Variants in ESPL1 observed in about 807,000 individuals in gnomAD.
ESPL1 encodes extra spindle pole bodies like 1, separase, also known as separin.
ESPL1 carries 50 observed loss-of-function variants against 217.2 expected under a neutral mutation model. The ratio of observed to expected loss-of-function variants is 0.23; its 90% confidence interval spans 0.18 to 0.29. The LOEUF (loss-of-function observed/expected upper bound fraction) is 0.29, where lower values mean the gene tolerates loss of function less well. ESPL1 is among the 10% of genes least tolerant of loss of function. ESPL1 has a pLI of 1.00. For synonymous variants in ESPL1, 994 were observed against 1,081.3 expected (o/e 0.92, Z 1.58); for missense variants, 1,834 against 2,603.0 (o/e 0.70, Z 6.43).
intron 11 of ESPL1, among the ~76,000 whole-genome samples, chr12:53,278,850 T>G (rs2045473): frequency 0.61 from 92,020 of 151,656 alleles, 28,540 homozygotes; most frequent in East Asian, 0.81. Context: ...CCTCCCAAAG[T>G]GCTGGGATTA....
At chr12:53,291,283 T>G (rs534522596) in intron 25 of ESPL1, among the ~76,000 whole-genome samples, 29 of 101,418 alleles carry the variant, frequency 2.9e-4, no homozygotes, top group African/African-American at 1.1e-3. Flanking sequence ...GGTGACAGAG[T>G]GAGACTCCAT....
intron 17 of ESPL1, 42 bp from the exon 18 acceptor site, chr12:53,285,882 A>T (rs1044044430): frequency 1.9e-5 from 29 of 1,503,218 alleles, no homozygotes; most frequent in African/African-American, 4.2e-5. Flanking sequence ...GCTTGATGCC[A>T]TTTCTCCCCG....
Position 53,293,355 on chromosome 12 carries a change from G to A in ESPL1, c.6244G>A (p.Gly2082Arg). 3 of 1,614,194 alleles carry A rather than the reference G, an allele frequency of 1.9e-6. No individual in the cohort carries two copies. The highest frequency in any genetic ancestry group is 2.5e-6 in the Non-Finnish European group (3 of 1,180,020). ...GGAAGCTCTGCTGCAAGGCTGGCTT[G>A]GAGCAGGCCCAGGGGCCCCCCTTCT... ...YTEALLQGWL[G>R]AGPGAPLLYY... is the part of the protein sequence containing the mutation. Residue 2082 changes from glycine to arginine, a missense_variant, in exon 31 of 31, where the codon GGA (glycine) becomes AGA (arginine). By Grantham distance (125) the Gly-to-Arg change is moderately radical (BLOSUM62 -2). Transcript: ENST00000257934. This position sits in a 1 kb window ranked among gnomAD's most constrained non-coding sequence, Gnocchi z 4.2.
rs564828925 is a variant in ESPL1, at chr12:53,282,512, C to G, written c.2791+77C>G. ...GCTGTCAGCTCTTCTCAAACCTCAT[C>G]CCCTCTGCTGGCTAACTATGTGGCC... On this transcript the variant is annotated intron_variant, in intron 14 of 30. Transcript: ENST00000257934. This position sits in a 1 kb window ranked among gnomAD's most constrained non-coding sequence, Gnocchi z 4.0. 2.4e-4 allele frequency: 328 copies of G among 1,365,668 alleles called. No individual in the cohort carries two copies. The African/African-American group carries it at 4.0e-3, about 17-fold the overall frequency. 84.6% of individuals were successfully genotyped at this position (1,365,668 alleles called of 1,614,324 possible). A position where few individuals can be genotyped will look rare whatever the true frequency, so the allele number is the denominator to read the frequency against.
rs34130634 is a variant in ESPL1, at chr12:53,286,142, A to C, written c.3406A>C (p.Ile1136Leu). 2 of 1,614,180 alleles carry C rather than the reference A, an allele frequency of 1.2e-6. No homozygotes were observed. The highest frequency in any genetic ancestry group is 1.7e-6 in the Non-Finnish European group (2 of 1,180,032). ...AGTCTTGAAAACCAAGCCCCAGCCC[A>C]TACCCAACTTCCTGTCCCATTCACC... ...SPVLKTKPQP[I>L]PNFLSHSPTC... The change falls in exon 18 of 31, where the codon ATA (isoleucine) becomes CTA (leucine). Residue 1136 changes from isoleucine (I) to leucine (L), a missense_variant. By Grantham distance (5) the Ile-to-Leu change is conservative. This residue lies in a region of ESPL1 where 681 missense variants were observed against 808.0 expected (regional missense o/e 0.84). Transcript: ENST00000257934. This position sits in a 1 kb window ranked among gnomAD's most constrained non-coding sequence, Gnocchi z 5.3.
rs772738789 is a variant in ESPL1, at chr12:53,269,654, A to T, written c.712A>T (p.Ser238Cys). 1 of 1,613,996 alleles carries T rather than the reference A, an allele frequency of 6.2e-7. No homozygotes were observed. Among genetic ancestry groups the T allele is most frequent in the Admixed American group, 1.7e-5 (1 of 59,994 alleles). The change falls in exon 3 of 31, where the codon AGC (serine) becomes TGC (cysteine). Residue 238 changes from serine to cysteine, a missense_variant. Physicochemically the swap from Ser to Cys is moderately radical, Grantham distance 112. Coordinates refer to ENST00000257934, the MANE Select transcript of ESPL1 (RefSeq NM_012291.5). The surrounding 1 kb of genome is among the most constrained non-coding windows in gnomAD (Gnocchi z 6.7). ...VIRALVGERG[S>C]SSGLLSPQRA... The stretch of plus-strand genomic sequence containing the variant: ...CAGAGCCTTGGTGGGTGAGAGAGGG[A>T]GCTCTTCTGGGCTTCTTTCTCCCCA...
At chr12:53,271,172 G>GGTTTTTTTTTTTTTTTTTTT (rs371461220) in intron 5 of ESPL1, among the ~76,000 whole-genome samples, 1 of 117,754 alleles carries the variant, frequency 8.5e-6, no homozygotes, top group Non-Finnish European at 1.7e-5. Context: ...ATATTTAAGT[G>GGTTTTTTTTTTTTTTTTTTT]TTTTTTTTTT....
intron 17 of ESPL1, among the ~76,000 whole-genome samples, chr12:53,285,604 G>T (rs1943934954): frequency 6.6e-6 from 1 of 151,946 alleles, no homozygotes; most frequent in Non-Finnish European, 1.5e-5. Flanking sequence ...AGCTACTCGG[G>T]AGGCTGAGGC....
Position 53,269,942 on chromosome 12 carries a change from C to A in ESPL1, c.1000C>A (p.Arg334=). The part of the protein sequence containing the change: ...KSMEAPSPPL[R]ALYESCQFFL... ...TATGGAGGCACCATCACCCCCACTT[C>A]GGGCATTGTATGAGAGCTGCCAGTT... Residue 334 remains arginine, a synonymous_variant, in exon 3 of 31, where the codon CGG becomes AGG. Transcript: ENST00000257934. This position sits in a 1 kb window ranked among gnomAD's most constrained non-coding sequence, Gnocchi z 6.7. The A allele has an allele frequency of 6.2e-7, 1 of 1,614,174 alleles. No individual in the cohort carries two copies. Among genetic ancestry groups the A allele is most frequent in the Non-Finnish European group, 8.5e-7 (1 of 1,180,028 alleles).
chr12:53,287,935 G>A, intron 18 of ESPL1, 37 bp from the exon 19 acceptor site: 4 of 1,530,290 alleles, frequency 2.6e-6, no homozygotes, highest in Non-Finnish European at 3.5e-6. Context: ...TGTCACTGAA[G>A]ACCTCTTAGC....
In ESPL1 at chr12:53,291,741, G is replaced by A. The variant is rs1944063635; in HGVS notation, c.5572G>A (p.Ala1858Thr). Residue 1858 changes from alanine (A) to threonine (T), a missense_variant, in exon 26 of 31, where the codon GCC becomes ACC. By Grantham distance (58) the Ala-to-Thr change is moderately conservative (BLOSUM62 0). Around this residue, in one of 5 missense-constraint regions of ESPL1, gnomAD observed 295 missense variants for 519.8 expected, o/e 0.57. Transcript: ENST00000257934. The stretch of plus-strand genomic sequence containing the variant: ...CACCCCTCAGGACATTCAGGCCCTG[G>A]CCTACGGGCTGTGCCCAACCCAGCC... ...ALTPQDIQALAYGLCPTQPER... is the reference protein window; with the variant it reads ...ALTPQDIQALTYGLCPTQPER... 11 of 1,613,834 alleles carry A rather than the reference G, an allele frequency of 6.8e-6. No homozygotes were observed. The highest frequency in any genetic ancestry group is 8.5e-6 in the Non-Finnish European group (10 of 1,179,976).
rs779167040 is a variant in ESPL1 at position 53,279,811 on chromosome 12, C to T, written c.2444C>T (p.Ser815Phe). Residue 815 changes from serine (S) to phenylalanine (F), a missense_variant, in exon 12 of 31, where the codon TCC becomes TTC. By Grantham distance (155) the Ser-to-Phe change is radical. Around this residue, in one of 5 missense-constraint regions of ESPL1, gnomAD observed 746 missense variants for 1,077.0 expected, o/e 0.69. Coordinates refer to ENST00000257934, the MANE Select transcript of ESPL1 (RefSeq NM_012291.5). ...AAGGACCACTCGAAGGCAGCTGGCT[C>T]CTCCTGCCACATCACCCAGCTCCTC... ...RLKDHSKAAG[S>F]SCHITQLLLT... 6.2e-7 allele frequency: 1 copy of T among 1,612,732 alleles called. No individual in the cohort carries two copies. The highest frequency in any genetic ancestry group is 1.3e-5 in the African/African-American group (1 of 74,992).
At chr12:53,270,244 G>A (rs1468834545) in intron 3 of ESPL1, 134 bp from the exon 4 acceptor site, 51 of 926,964 alleles carry the variant, frequency 5.5e-5, no homozygotes, top group Non-Finnish European at 8.7e-5. Context: ...TATCCTGAGA[G>A]GGCAGTGGCC....
chr12:53,269,590 T>C lies in ESPL1; in HGVS notation c.648T>C (p.Asp216=). The C allele has an allele frequency of 1.2e-6, 2 of 1,614,232 alleles. No individual in the cohort carries two copies. The highest frequency in any genetic ancestry group is 1.7e-6 in the Non-Finnish European group (2 of 1,180,034). ...DASGHGLNEA[D]ADFLDDLLSR... The stretch of plus-strand genomic sequence containing the variant: ...GTGGCCATGGTCTAAATGAAGCAGA[T>C]GCTGATTTCCTAGATGACCTGCTCT... Residue 216 remains aspartate, a synonymous_variant, in exon 3 of 31, where the codon GAT becomes GAC. Transcript: ENST00000257934. This position sits in a 1 kb window ranked among gnomAD's most constrained non-coding sequence, Gnocchi z 6.7.
chr12:53,280,493 C>T (rs965692474), intron 12 of ESPL1, among the ~76,000 whole-genome samples: 2 of 152,016 alleles, frequency 1.3e-5, no homozygotes, highest in East Asian at 3.9e-4. Flanking sequence ...GTCACCCTCC[C>T]GAGTAACTGG....
chr12:53,268,909 C>A, intron 2 of ESPL1, 62 bp downstream of exon 2: 2 of 1,520,140 alleles, frequency 1.3e-6, no homozygotes, highest in South Asian at 2.3e-5. Context: ...TTTGTGTTTG[C>A]CTTTTGAAGA....
chr12:53,290,302 T>C, intron 23 of ESPL1, 45 bp from the exon 24 acceptor site: 2 of 1,610,518 alleles, frequency 1.2e-6, no homozygotes, highest in Non-Finnish European at 1.7e-6. Context: ...GGAGAGATGG[T>C]GATCACGTGG....
chr12:53,286,840 C>G lies in ESPL1; in HGVS notation c.4104C>G (p.Val1368=). ...PHVPFTVFEE[V]CPTESKPEVP... ...TCCCCTTCACGGTGTTTGAGGAAGT[C>G]TGCCCTACAGAGAGCAAGCCTGAAG... The change falls in exon 18 of 31, where the codon GTC becomes GTG. Residue 1368 remains valine (V), a synonymous_variant. Transcript: ENST00000257934. This position sits in a 1 kb window ranked among gnomAD's most constrained non-coding sequence, Gnocchi z 5.3. 1 of 1,614,060 alleles carries G rather than the reference C, an allele frequency of 6.2e-7. No homozygotes were observed. Among genetic ancestry groups the G allele is most frequent in the Non-Finnish European group, 8.5e-7 (1 of 1,180,016 alleles).
chr12:53,270,199 G>A, intron 3 of ESPL1, 114 bp downstream of exon 3: 1 of 1,051,120 alleles, frequency 9.5e-7, no homozygotes. Context: ...GCTGCTCTCT[G>A]GACAGTGCCT....
Sources: gnomAD v4.1 joint callset for allele counts (sites outside exome capture counted in the v4.1 genomes callset) on GRCh38, gnomAD v4.1.1 for gene constraint, gnomAD v4.1.1 regional missense constraint, Gnocchi (gnomAD v3.1) non-coding constraint, MANE v1.5 for transcripts, NCBI Gene and HGNC (gene_info 2026-07-23, HGNC 2026-07-21) for gene names.